ASIC2: variants seen among roughly 807,000 people sequenced by gnomAD.
ASIC2 encodes acid sensing ion channel subunit 2.
Under a neutral mutation model 57.3 loss-of-function variants are expected in ASIC2, and 25 were observed. The observed-to-expected ratio is 0.44, with a 90% CI of 0.32 to 0.61. The LOEUF (loss-of-function observed/expected upper bound fraction) is 0.61, where lower values mean the gene tolerates loss of function less well. Among genes scored for constraint, ASIC2 ranks in the 20% least tolerant of loss-of-function variants. ASIC2 has a pLI of 0.06. For synonymous variants in ASIC2, 319 were observed against 307.5 expected (o/e 1.04, Z -0.39); for missense variants, 641 against 738.1 (o/e 0.87, Z 1.52).
chr17:33,494,092 G>A lies in ASIC2; in HGVS notation c.556-382025C>T, dbSNP rs1006384533. ...GCCTGTGGCTAGGAAATGGTAAGCTGGGCCAGGACCTGCCCTTCTGGCTTC... is the reference window on the plus strand; with the variant it reads ...GCCTGTGGCTAGGAAATGGTAAGCTAGGCCAGGACCTGCCCTTCTGGCTTC... On this transcript the variant is annotated intron_variant, in intron 1 of 9. Coordinates refer to the ASIC2 transcript ENST00000359872. Among the ~76,000 whole-genome samples, 8 of 152,210 alleles carry A rather than the reference G, an allele frequency of 5.3e-5. 1 individual carries two copies. The highest frequency in any genetic ancestry group is 4.8e-5 in the African/African-American group (2 of 41,454).
chr17:33,126,968 C>T (rs1332745073), intron 1 of ASIC2, among the ~76,000 whole-genome samples: 6 of 142,284 alleles, frequency 4.2e-5, no homozygotes, highest in African/African-American at 8.0e-5. Flanking sequence ...CCCGGGTTCA[C>T]GCCATTCTCC....
At chr17:33,896,605 C>G (rs1025784927) in intron 1 of ASIC2, among the ~76,000 whole-genome samples, 13 of 152,226 alleles carry the variant, frequency 8.5e-5, no homozygotes, top group African/African-American at 3.1e-4. Context: ...GGCCTGGCTC[C>G]TATCGGGGGC....
intron 1 of ASIC2, among the ~76,000 whole-genome samples, chr17:33,797,942 C>T (rs1911969082): frequency 6.6e-6 from 1 of 152,134 alleles, no homozygotes; most frequent in Non-Finnish European, 1.5e-5. Flanking sequence ...GCTGGCTCAG[C>T]TGTACAGAGC....
chr17:33,311,229 A>G (rs902733887), intron 1 of ASIC2, among the ~76,000 whole-genome samples: 3 of 152,180 alleles, frequency 2.0e-5, no homozygotes, highest in African/African-American at 4.8e-5. Flanking sequence ...TGACTGGCCC[A>G]TTTCATAGAT....
At chr17:33,838,161 A>G (rs1002322764) in intron 1 of ASIC2, among the ~76,000 whole-genome samples, 2 of 152,184 alleles carry the variant, frequency 1.3e-5, no homozygotes, top group Non-Finnish European at 2.9e-5. Context: ...CTTCTTCACT[A>G]GGGCAACTTT....
intron 1 of ASIC2, among the ~76,000 whole-genome samples, chr17:33,752,216 A>T (rs1226531546): frequency 6.6e-6 from 1 of 152,092 alleles, no homozygotes. Flanking sequence ...ACAGAAATTT[A>T]AAAAAATATT....
chr17:33,666,523 C>G (rs150518009), intron 1 of ASIC2, among the ~76,000 whole-genome samples: 28 of 152,314 alleles, frequency 1.8e-4, no homozygotes, highest in African/African-American at 6.5e-4. Flanking sequence ...CCTCCTCCTG[C>G]CTGTCCAGGT....
At chr17:33,984,591 C>G (rs1168831674) in intron 1 of ASIC2, among the ~76,000 whole-genome samples, 1 of 152,216 alleles carries the variant, frequency 6.6e-6, no homozygotes, top group Non-Finnish European at 1.5e-5. Flanking sequence ...CCCGACGATG[C>G]AGACACTTGT....
intron 1 of ASIC2, among the ~76,000 whole-genome samples, chr17:33,907,893 G>A (rs968292230): frequency 2.0e-5 from 3 of 152,032 alleles, no homozygotes; most frequent in African/African-American, 7.2e-5. Context: ...ATTGATAATG[G>A]GCCACAGTGG....
chr17:34,018,975 T>C (rs560974929), intron 1 of ASIC2, among the ~76,000 whole-genome samples: 2 of 152,134 alleles, frequency 1.3e-5, no homozygotes, highest in African/African-American at 2.4e-5. Flanking sequence ...TGGCGCGATC[T>C]TGGCTCACTG....
rs759052535 is a variant in ASIC2, at chr17:33,291,894, G to T, written c.222C>A (p.Ala74=). The T allele has an allele frequency of 6.2e-7, 1 of 1,602,396 alleles. No homozygotes were observed. Among genetic ancestry groups the T allele is most frequent in the Non-Finnish European group, 8.5e-7 (1 of 1,178,218 alleles). ...AGGAGCCCCCAGCCGCCGTGCGCCC[G>T]GCACACATGTGCCGCAGCCCGTGCA... ...AKLHGLRHMC[A]GRTAAGGSFQ... is the part of the protein sequence containing the mutation. Residue 74 remains alanine, a synonymous_variant, in exon 1 of 10, where the codon GCC becomes GCA. Coordinates refer to ENST00000225823, the MANE Select transcript of ASIC2 (RefSeq NM_183377.2).
chr17:33,406,752 T>C (rs1422105322), intron 1 of ASIC2, among the ~76,000 whole-genome samples: 1 of 152,202 alleles, frequency 6.6e-6, no homozygotes, highest in Admixed American at 6.5e-5. Context: ...ATTAAGACCA[T>C]GGAATCCATA....
chr17:33,714,021 G>C (rs367733998), intron 1 of ASIC2, among the ~76,000 whole-genome samples: 22 of 152,058 alleles, frequency 1.4e-4, no homozygotes, highest in African/African-American at 4.6e-4. Context: ...CTTCTCAAGT[G>C]GGGGGTGGGC....
chr17:34,085,495 TTC>T (rs1910078817), intron 1 of ASIC2, among the ~76,000 whole-genome samples: 1 of 152,236 alleles, frequency 6.6e-6, no homozygotes, highest in South Asian at 2.1e-4. Context: ...TGGTCTAAAA[TTC>T]TCTTTTTTGG....
chr17:33,214,578 C>A (rs2142091542), intron 1 of ASIC2, among the ~76,000 whole-genome samples: 1 of 152,326 alleles, frequency 6.6e-6, no homozygotes, highest in Non-Finnish European at 1.5e-5. Flanking sequence ...AAGCCTAAAT[C>A]AGAGTGCCTC....
chr17:33,285,177 C>T (rs757519814), intron 1 of ASIC2, among the ~76,000 whole-genome samples: 12 of 152,222 alleles, frequency 7.9e-5, no homozygotes, highest in Non-Finnish European at 1.5e-4. Context: ...TTGATGCCTT[C>T]GTGACTGGCC....
intron 1 of ASIC2, among the ~76,000 whole-genome samples, chr17:33,495,224 T>G (rs1913890123): frequency 1.3e-5 from 2 of 152,158 alleles, no homozygotes; most frequent in Non-Finnish European, 2.9e-5. Flanking sequence ...GGTCCCTAGT[T>G]CTGTCCCTGT....
chr17:33,881,606 A>G (rs1597914919), intron 1 of ASIC2, among the ~76,000 whole-genome samples: 1 of 152,330 alleles, frequency 6.6e-6, no homozygotes, highest in Middle Eastern at 3.4e-3. Flanking sequence ...TCAATGAAAT[A>G]AAAGAGGATA....
At chr17:33,890,944 C>A (rs549430896) in intron 1 of ASIC2, among the ~76,000 whole-genome samples, 216 of 149,358 alleles carry the variant, frequency 1.4e-3, no homozygotes, top group African/African-American at 5.2e-3. Context: ...CCACCCCAAG[C>A]AGACTGTGTG....
Sources: gnomAD v4.1 joint callset for allele counts (sites outside exome capture counted in the v4.1 genomes callset) on GRCh38, gnomAD v4.1.1 for gene constraint, MANE v1.5 for transcripts, NCBI Gene and HGNC (gene_info 2026-07-23, HGNC 2026-07-21) for gene names.